The following ATCAY variants were observed in gnomAD, a reference collection of about 807,000 sequenced individuals.
The protein encoded by ATCAY is caytaxin.
In ATCAY, 22 loss-of-function variants were observed where a neutral mutation model predicts 47.7. The ratio of observed to expected loss-of-function variants is 0.46; its 90% CI spans 0.33 to 0.66. The LOEUF (loss-of-function observed/expected upper bound fraction) is 0.66, where lower values mean the gene tolerates loss of function less well. Ranked by LOEUF, ATCAY falls within the 30% of genes least tolerant of loss-of-function variation. The probability of loss-of-function intolerance (pLI) is 0.02; values close to 1 mark genes in which losing one functional copy is unlikely to be tolerated. For missense variants in ATCAY, 452 were observed against 515.0 expected (o/e 0.88, Z 1.18); for synonymous variants, 216 against 207.6 (o/e 1.04, Z -0.35).
At chr19:3,886,464 C>T (rs1437752282) in intron 2 of ATCAY, among the ~76,000 whole-genome samples, 1 of 151,934 alleles carries the variant, frequency 6.6e-6, no homozygotes, top group Non-Finnish European at 1.5e-5. Context: ...GTGGCAGGCG[C>T]CTGTAGTCCC....
At chr19:3,886,131 C>G (rs1440119497) in intron 2 of ATCAY, among the ~76,000 whole-genome samples, 1 of 152,212 alleles carries the variant, frequency 6.6e-6, no homozygotes, top group East Asian at 1.9e-4. Flanking sequence ...AAAGGACCCC[C>G]CACCCCTACA....
intron 2 of ATCAY, among the ~76,000 whole-genome samples, chr19:3,899,370 A>G (rs2038796031): frequency 7.0e-6 from 1 of 143,050 alleles, no homozygotes. Context: ...CTGGAGTGCA[A>G]TGGCACGATC....
intron 8 of ATCAY, 146 bp downstream of exon 8, chr19:3,911,035 C>G: frequency 1.1e-6 from 1 of 873,690 alleles, no homozygotes; most frequent in Non-Finnish European, 1.8e-6. Flanking sequence ...GTTTGATGTG[C>G]ATGTTCCAGC....
chr19:3,919,348 G>C (rs11882435), intron 11 of ATCAY, among the ~76,000 whole-genome samples: 2,705 of 150,674 alleles, frequency 0.018, 74 homozygotes, highest in African/African-American at 0.062. Context: ...AATCCCAGTA[G>C]TTTGGGAGGC....
chr19:3,920,186 G>A (rs1235529912), intron 11 of ATCAY: 2 of 152,034 alleles, frequency 1.3e-5, no homozygotes, highest in Admixed American at 1.3e-4. Flanking sequence ...TCTACAAAAA[G>A]TTTAAAAGTT....
At chr19:3,888,633 A>G (rs1157653104) in intron 2 of ATCAY, among the ~76,000 whole-genome samples, 2 of 152,138 alleles carry the variant, frequency 1.3e-5, no homozygotes, top group Non-Finnish European at 2.9e-5. Flanking sequence ...GAGTGTCTCA[A>G]AAAAACAGAA....
At chr19:3,899,399 C>T (rs1217963029) in intron 2 of ATCAY, among the ~76,000 whole-genome samples, 15 of 150,562 alleles carry the variant, frequency 1.0e-4, no homozygotes, top group African/African-American at 3.7e-4. Context: ...CCGCAACCTC[C>T]GCCTCCAGGG....
At chr19:3,902,826 C>T (rs555656857) in intron 3 of ATCAY, among the ~76,000 whole-genome samples, 12 of 152,260 alleles carry the variant, frequency 7.9e-5, no homozygotes, top group African/African-American at 2.9e-4. Flanking sequence ...GCGAGCTTCT[C>T]GCAGAGGGGG....
Position 3,924,636 on chromosome 19 carries a change from G to A in ATCAY, c.*44G>A. 6.2e-7 allele frequency: 1 copy of A among 1,611,840 alleles called. No individual in the cohort carries two copies. The highest frequency in any genetic ancestry group is 8.5e-7 in the Non-Finnish European group (1 of 1,178,570). The stretch of plus-strand genomic sequence containing the variant: ...AAGGACATGGAAGAAGATTCCAGAT[G>A]CCAGAAAACCTCTGTCAGACGCCCA... On this transcript the variant is annotated 3_prime_UTR_variant, in exon 13 of 13. Transcript: ENST00000450849.
intron 6 of ATCAY, 79 bp downstream of exon 6, chr19:3,908,449 T>C: frequency 1.5e-6 from 2 of 1,323,396 alleles, no homozygotes; most frequent in South Asian, 2.5e-5. Context: ...GCTGCAAGGA[T>C]TGCATTGTGG....
intron 4 of ATCAY, among the ~76,000 whole-genome samples, 185 bp downstream of exon 4, chr19:3,905,840 AAC>A (rs1268711802): frequency 6.6e-6 from 1 of 151,350 alleles, no homozygotes; most frequent in Non-Finnish European, 1.5e-5. Flanking sequence ...CAGCCTGGAC[AAC>A]AGAGTGAGAC....
At chr19:3,897,265 A>C (rs1374749446) in intron 2 of ATCAY, among the ~76,000 whole-genome samples, 1 of 135,658 alleles carries the variant, frequency 7.4e-6, no homozygotes, top group Admixed American at 7.3e-5. Flanking sequence ...GAAGTTTGCT[A>C]TATATATATA....
At chr19:3,899,218 G>A (rs764509079) in intron 2 of ATCAY, among the ~76,000 whole-genome samples, 9 of 151,896 alleles carry the variant, frequency 5.9e-5, no homozygotes, top group African/African-American at 7.3e-5. Flanking sequence ...AGAGAGGGAG[G>A]GAAAGGGAGA....
chr19:3,927,145 C>T lies in ATCAY; in HGVS notation c.*2553C>T, dbSNP rs1406056836. ...CTGAGGTAGAAGAATAGCTGGAACC[C>T]AGGAGGCAGAGATTGCAGTCAGCCG... On this transcript the variant is annotated 3_prime_UTR_variant, in exon 13 of 13. Transcript: ENST00000450849. The T allele has an allele frequency of 1.3e-5, 2 of 152,176 alleles. No homozygotes were observed. Among genetic ancestry groups the T allele is most frequent in the Non-Finnish European group, 2.9e-5 (2 of 68,088 alleles). 9.4% of individuals were successfully genotyped at this position (152,176 alleles called of 1,614,324 possible).
chr19:3,887,555 T>C (rs936503340), intron 2 of ATCAY, among the ~76,000 whole-genome samples: 243 of 151,264 alleles, frequency 1.6e-3, no homozygotes, highest in African/African-American at 3.8e-3. Flanking sequence ...GGCGCGATCT[T>C]GGCTCACTGC....
intron 8 of ATCAY, among the ~76,000 whole-genome samples, chr19:3,912,904 A>T (rs1040244862): frequency 3.3e-4 from 49 of 147,384 alleles, no homozygotes; most frequent in Admixed American, 2.4e-3. Flanking sequence ...AAATACCATG[A>T]AGTGCTGGTG....
chr19:3,917,067 A>G (rs2038972579), intron 9 of ATCAY, among the ~76,000 whole-genome samples: 1 of 152,076 alleles, frequency 6.6e-6, no homozygotes, highest in Non-Finnish European at 1.5e-5. Flanking sequence ...TCGGCCTCCC[A>G]AAGTTCTGGG....
At chr19:3,895,596 G>T (rs1047915708) in intron 2 of ATCAY, among the ~76,000 whole-genome samples, 2 of 152,020 alleles carry the variant, frequency 1.3e-5, no homozygotes, top group Non-Finnish European at 2.9e-5. Flanking sequence ...GAGTGGCAGG[G>T]CTGGGAGTTG....
intron 2 of ATCAY, among the ~76,000 whole-genome samples, chr19:3,892,258 A>G (rs953758009): frequency 6.6e-6 from 1 of 150,678 alleles, no homozygotes; most frequent in Non-Finnish European, 1.5e-5. Context: ...GCTGGAGTGC[A>G]GTGGTGCGAT....
Sources: allele counts gnomAD v4.1 joint callset (sites outside exome capture counted in the v4.1 genomes callset), GRCh38; gene constraint gnomAD v4.1.1; transcripts MANE v1.5; gene names NCBI Gene and HGNC (gene_info 2026-07-23, HGNC 2026-07-21).